The following SMURF2 variants were observed in gnomAD, a reference collection of about 807,000 sequenced individuals.
The protein encoded by SMURF2 is E3 ubiquitin-protein ligase SMURF2.
A neutral mutation model predicts 109.6 loss-of-function variants in SMURF2; 48 were observed. The ratio of observed to expected loss-of-function variants is 0.44; its 90% CI spans 0.35 to 0.56. SMURF2 has a LOEUF of 0.56. Among genes scored for constraint, SMURF2 ranks in the 20% least tolerant of loss-of-function variants. The probability of loss-of-function intolerance (pLI) is 0.01; values close to 1 mark genes in which losing one functional copy is unlikely to be tolerated. For missense variants in SMURF2, 575 were observed against 909.0 expected, an observed-to-expected ratio of 0.63 and a Z score of 4.72; for synonymous variants, 288 against 317.1, an observed-to-expected ratio of 0.91 and a Z score of 0.97.
intron 1 of SMURF2, among the ~76,000 whole-genome samples, chr17:64,612,509 CA>C (rs11308871): frequency 0.16 from 20,157 of 126,980 alleles, 1,949 homozygotes; most frequent in African/African-American, 0.3. Context: ...ACTAAAAATA[CA>C]AAAAAAAAAA....
At chr17:64,552,616 A>G (rs1598267780) in intron 15 of SMURF2, among the ~76,000 whole-genome samples, 1 of 152,342 alleles carries the variant, frequency 6.6e-6, no homozygotes, top group Admixed American at 6.5e-5. Context: ...AACCCTGAAG[A>G]GTGGGATCCA....
intron 5 of SMURF2, among the ~76,000 whole-genome samples, chr17:64,589,269 T>C (rs1969714999): frequency 6.6e-6 from 1 of 152,190 alleles, no homozygotes. Context: ...AAATGCAAAT[T>C]CATACCTAGT....
chr17:64,596,343 C>T, intron 3 of SMURF2, among the ~76,000 whole-genome samples: 1 of 151,770 alleles, frequency 6.6e-6, no homozygotes, highest in East Asian at 1.9e-4. Context: ...AGATGAGCTC[C>T]CATCTGTGCC....
chr17:64,631,338 GAGAC>G (rs1160993172), intron 1 of SMURF2, among the ~76,000 whole-genome samples: 9 of 140,108 alleles, frequency 6.4e-5, no homozygotes, highest in South Asian at 2.3e-4. Flanking sequence ...CAGAGAGAGA[GAGAC>G]AGAGAGATGA....
At chr17:64,575,100 CTTT>C (rs199924886) in intron 9 of SMURF2, among the ~76,000 whole-genome samples, 1 of 141,970 alleles carries the variant, frequency 7.0e-6, no homozygotes, top group South Asian at 2.2e-4. Context: ...TTTTTTTTTT[CTTT>C]TTTTAGTAAG....
At chr17:64,652,429 T>C (rs1970652835) in intron 1 of SMURF2, among the ~76,000 whole-genome samples, 1 of 152,194 alleles carries the variant, frequency 6.6e-6, no homozygotes, top group Admixed American at 6.5e-5. Flanking sequence ...AAGGGTAGAA[T>C]CATAAAGAAA....
chr17:64,585,534 A>T (rs1555687000), intron 6 of SMURF2, among the ~76,000 whole-genome samples: 1 of 152,196 alleles, frequency 6.6e-6, no homozygotes, highest in Non-Finnish European at 1.5e-5. Flanking sequence ...TTAAGGTCAT[A>T]AAGCCAATAC....
chr17:64,662,086 T>C lies in SMURF2; in HGVS notation c.-206A>G. ...AGCTCCCCCCTCCTCCCACTTCTCC[T>C]TCCTCGGCCCGGGCCGCACAACAAA... is the stretch of plus-strand genomic sequence containing the variant. On this transcript the variant is annotated 5_prime_UTR_variant, in exon 1 of 19. Coordinates refer to ENST00000262435, the MANE Select transcript of SMURF2 (RefSeq NM_022739.4). 1.9e-6 allele frequency: 2 copies of C among 1,065,524 alleles called. No individual in the cohort carries two copies. The highest frequency in any genetic ancestry group is 2.3e-6 in the Non-Finnish European group (2 of 882,558). The allele number at this position is 1,065,524 out of a possible 1,614,324, so 66.0% of individuals were successfully genotyped here.
rs1371585512 is a variant in SMURF2, at chr17:64,556,055, A to G, written c.1432-57T>C. 5 of 1,281,634 alleles carry G rather than the reference A, an allele frequency of 3.9e-6. No homozygotes were observed. The African/African-American group carries it at 6.0e-5, about 15-fold the overall frequency. 79.4% of individuals were successfully genotyped at this position (1,281,634 alleles called of 1,614,324 possible). ...GGCACTACCCAGGAAAATTTTAATA[A>G]AAATGAAATATTTCAGCAACATTAA... is the stretch of plus-strand genomic sequence containing the variant. On this transcript the variant is annotated intron_variant, in intron 13 of 18. Coordinates refer to ENST00000262435, the MANE Select transcript of SMURF2 (RefSeq NM_022739.4).
In SMURF2 at chr17:64,544,518, C is replaced by T. The variant is rs544243405; in HGVS notation, c.*1330G>A. 2 of 152,184 alleles carry T rather than the reference C, an allele frequency of 1.3e-5. No individual in the cohort carries two copies. Among genetic ancestry groups the T allele is most frequent in the East Asian group, 3.9e-4 (2 of 5,188 alleles). The allele number at this position is 152,184 out of a possible 1,614,324, so 9.4% of individuals were successfully genotyped here. A position where few individuals can be genotyped will look rare whatever the true frequency, so the allele number is the denominator to read the frequency against. ...AACTGTGATTTCAGATTTTTTCAAT[C>T]CCTCACCCCAGAGTTTTCGTTGCTT... is the stretch of plus-strand genomic sequence containing the variant. On this transcript the variant is annotated 3_prime_UTR_variant, in exon 19 of 19. Coordinates refer to ENST00000262435, the MANE Select transcript of SMURF2 (RefSeq NM_022739.4).
At chr17:64,573,621 A>C (rs72844239) in intron 9 of SMURF2, among the ~76,000 whole-genome samples, 7,809 of 152,154 alleles carry the variant, frequency 0.051, 324 homozygotes, top group Non-Finnish European at 0.076. Context: ...AAAAAAAGGG[A>C]GTTCGGGGGA....
intron 10 of SMURF2, among the ~76,000 whole-genome samples, chr17:64,569,111 G>C (rs1969360250): frequency 6.6e-6 from 1 of 151,632 alleles, no homozygotes; most frequent in Non-Finnish European, 1.5e-5. Flanking sequence ...ACCAGTCTGG[G>C]CAACGCGGTG....
At chr17:64,571,672 G>T in intron 10 of SMURF2, 126 bp downstream of exon 10, 1 of 967,418 alleles carries the variant, frequency 1.0e-6, no homozygotes, top group Non-Finnish European at 1.5e-6. Flanking sequence ...TGCTGCCACG[G>T]CCTCCCAAAG....
rs782177558 is a variant in SMURF2, at chr17:64,621,878, AAAATAAATAAAT to A, written c.53-15250_53-15239del. 9.4e-3 allele frequency among the ~76,000 whole-genome samples: 1,361 copies of A among 144,756 alleles called. 15 individuals carry two copies. The highest frequency in any genetic ancestry group is 0.033 in the African/African-American group (1,303 of 39,116). 95.0% of individuals were successfully genotyped at this position (144,756 alleles called of 152,430 possible). ...GGGTTACAGAGTAAGACTCTCTCTC[AAAATAAATAAAT>A]AAATAAATAAATAAATAATAATAAT... On this transcript the variant is annotated intron_variant, in intron 1 of 18. Coordinates refer to ENST00000262435, the MANE Select transcript of SMURF2 (RefSeq NM_022739.4).
chr17:64,629,382 T>C (rs2065440046), intron 1 of SMURF2, among the ~76,000 whole-genome samples: 1 of 152,090 alleles, frequency 6.6e-6, no homozygotes, highest in South Asian at 2.1e-4. Flanking sequence ...CGCTTGCCTG[T>C]AGTCCCAGCT....
intron 1 of SMURF2, among the ~76,000 whole-genome samples, chr17:64,618,268 A>AAAAT (rs1254046276): frequency 3.9e-5 from 6 of 152,282 alleles, no homozygotes; most frequent in East Asian, 1.9e-4. Flanking sequence ...CTCCGCCTCT[A>AAAAT]AAATAAATAA....
intron 1 of SMURF2, among the ~76,000 whole-genome samples, chr17:64,636,800 G>A (rs1970422965): frequency 2.0e-5 from 3 of 149,990 alleles, no homozygotes; most frequent in African/African-American, 7.3e-5. Context: ...AAAAAAAAAA[G>A]AGTTCTTTAT....
chr17:64,640,054 C>G lies in SMURF2; in HGVS notation c.52+21775G>C, dbSNP rs370663833. ...GTTATGGAAATACAGGAATTCTATA[C>G]TATCTTCAGATTTACAGATCTTTAG... On this transcript the variant is annotated intron_variant, in intron 1 of 18. Coordinates refer to ENST00000262435, the MANE Select transcript of SMURF2 (RefSeq NM_022739.4). Among the ~76,000 whole-genome samples, 5 of 152,294 alleles carry G rather than the reference C, an allele frequency of 3.3e-5. No individual in the cohort carries two copies. In the East Asian group the frequency reaches 7.7e-4, roughly 23 times the overall value.
chr17:64,599,965 A>T (rs1969871215), intron 2 of SMURF2, among the ~76,000 whole-genome samples: 1 of 152,148 alleles, frequency 6.6e-6, no homozygotes, highest in Non-Finnish European at 1.5e-5. Flanking sequence ...AATATGACTG[A>T]CCCAGTAAGA....
Sources: allele counts gnomAD v4.1 joint callset (sites outside exome capture counted in the v4.1 genomes callset), GRCh38; gene constraint gnomAD v4.1.1; transcripts MANE v1.5; gene names NCBI Gene and HGNC (gene_info 2026-07-23, HGNC 2026-07-21).